The following PC variants were observed in gnomAD, a reference collection of about 807,000 sequenced individuals.
PC encodes the protein pyruvate carboxylase, mitochondrial.
Under a neutral mutation model 107.8 loss-of-function variants are expected in PC, and 46 were observed. The ratio of observed to expected loss-of-function variants is 0.43; its 90% CI spans 0.34 to 0.55. The LOEUF is 0.55. PC is among the 20% of genes least tolerant of loss of function. PC has a pLI of 0.04. For missense variants in PC, 1,241 were observed against 1,643.1 expected (o/e 0.76, Z 4.23); for synonymous variants, 662 against 684.7 (o/e 0.97, Z 0.52).
At chr11:66,906,007 T>C (rs1948152211) in intron 3 of PC, among the ~76,000 whole-genome samples, 1 of 151,912 alleles carries the variant, frequency 6.6e-6, no homozygotes, top group Non-Finnish European at 1.5e-5. Context: ...ATACTGCTAG[T>C]ATGTCACAGC....
chr11:66,940,793 A>AC lies in PC; in HGVS notation c.-1+11636dup, dbSNP rs569897633. On this transcript the variant is annotated intron_variant, in intron 3 of 22. Transcript: ENST00000393960. Reference sequence around the variant, plus strand: ...TATACAAATGGCCAATAAGCACATCACAAGATGCTCAAGGCCAGGCACAGT... The same window carrying AC: ...TATACAAATGGCCAATAAGCACATCACCAAGATGCTCAAGGCCAGGCACAGT... Among the ~76,000 whole-genome samples, 4 of 152,270 alleles carry AC rather than the reference A, an allele frequency of 2.6e-5. No homozygotes were observed. In the East Asian group the frequency reaches 7.7e-4, roughly 29 times the overall value.
In PC at chr11:66,858,368, G is replaced by A. The variant is rs755206334; in HGVS notation, c.1369-4985C>T. 4 of 1,588,592 alleles carry A rather than the reference G, an allele frequency of 2.5e-6. No homozygotes were observed. In the East Asian group the frequency reaches 9.2e-5, roughly 36 times the overall value. ...TCACCTCCAACCGCCTGGCCACGCT[G>A]GCTCCGGACCCGCTTTTCTCTCGTG... On this transcript the variant is annotated intron_variant, in intron 12 of 22. Coordinates refer to ENST00000393960, the MANE Select transcript of PC (RefSeq NM_001040716.2). The surrounding 1 kb of genome is among the most constrained non-coding windows in gnomAD (Gnocchi z 5.9).
At chr11:66,860,220 C>G in intron 12 of PC, 1 of 1,540,726 alleles carries the variant, frequency 6.5e-7, no homozygotes, top group Non-Finnish European at 8.7e-7. Flanking sequence ...CCTGTGTGCT[C>G]CAAGGGATGA....
chr11:66,939,752 C>A (rs1316016003), intron 3 of PC, among the ~76,000 whole-genome samples: 1 of 130,342 alleles, frequency 7.7e-6, no homozygotes, highest in Non-Finnish European at 1.5e-5. Context: ...TGCAGCAAGC[C>A]GAGATCGTGC....
chr11:66,923,277 G>A (rs928801392), intron 3 of PC, among the ~76,000 whole-genome samples: 4 of 151,400 alleles, frequency 2.6e-5, no homozygotes, highest in Non-Finnish European at 1.5e-5. Context: ...CAGGAGAATC[G>A]CTTGAACCTG....
In PC at chr11:66,870,625, G is replaced by A. The variant is rs750188585; in HGVS notation, c.751+150C>T. On this transcript the variant is annotated intron_variant, in intron 8 of 22. Coordinates refer to ENST00000393960, the MANE Select transcript of PC (RefSeq NM_001040716.2). The surrounding 1 kb of genome is among the most constrained non-coding windows in gnomAD (Gnocchi z 6.1). ...GGCTGTGAGGACCAACTGCCAGCTC[G>A]GCCCCTAGAGCCCACTTTCCAGAGT... is the stretch of plus-strand genomic sequence containing the variant. The A allele has an allele frequency of 1.2e-5, 13 of 1,100,244 alleles. No homozygotes were observed. Among genetic ancestry groups the A allele is most frequent in the South Asian group, 3.8e-5 (3 of 78,958 alleles). The allele number at this position is 1,100,244 out of a possible 1,614,324, so 68.2% of individuals were successfully genotyped here.
intron 3 of PC, among the ~76,000 whole-genome samples, chr11:66,891,389 T>TTTTG (rs1290801939): frequency 6.8e-6 from 1 of 147,720 alleles, no homozygotes; most frequent in Admixed American, 6.8e-5. Context: ...TTTTTGTTTG[T>TTTTG]TTTGTTTTGT....
At chr11:66,950,322 A>T (rs1949407268) in intron 3 of PC, among the ~76,000 whole-genome samples, 1 of 152,240 alleles carries the variant, frequency 6.6e-6, no homozygotes, top group Non-Finnish European at 1.5e-5. Context: ...AGAAGCAGTC[A>T]GGCCCTTCCA....
At chr11:66,936,547 C>T (rs991734002) in intron 3 of PC, among the ~76,000 whole-genome samples, 8 of 152,100 alleles carry the variant, frequency 5.3e-5, no homozygotes, top group Admixed American at 6.6e-5. Flanking sequence ...ATTGTAATTC[C>T]ATTCTGCTAT....
At chr11:66,872,734 C>CA (rs1485695134) in intron 3 of PC, among the ~76,000 whole-genome samples, 2 of 151,280 alleles carry the variant, frequency 1.3e-5, no homozygotes, top group Non-Finnish European at 2.9e-5. Context: ...GACTCCGTCT[C>CA]AAAAAAAATA....
In PC at chr11:66,850,879, G is replaced by A. The variant is rs183729868; in HGVS notation, c.2268C>T (p.Val756=). The A allele has an allele frequency of 1.2e-5, 20 of 1,611,118 alleles. No individual in the cohort carries two copies. In the East Asian group the frequency reaches 4.5e-4, roughly 36 times the overall value. The change falls in exon 18 of 23, where the codon GTC becomes GTT. Residue 756 remains valine (V), a synonymous_variant. Coordinates refer to ENST00000393960, the MANE Select transcript of PC (RefSeq NM_001040716.2). ...CGGGGAAGCGGTCCCGGAGGGAGCT[G>A]ACCAGCATGGTGCAGGCCGTGGGCT... is the stretch of plus-strand genomic sequence containing the variant. ...LLKPTACTML[V]SSLRDRFPDL...
chr11:66,875,302 C>A (rs1196510349), intron 3 of PC, among the ~76,000 whole-genome samples: 1 of 151,980 alleles, frequency 6.6e-6, no homozygotes, highest in East Asian at 1.9e-4. Context: ...CGTCGAGAGA[C>A]CCCCCATAGA....
At chr11:66,926,418 T>A (rs1273916631) in intron 3 of PC, among the ~76,000 whole-genome samples, 1 of 152,192 alleles carries the variant, frequency 6.6e-6, no homozygotes, top group Admixed American at 6.5e-5. Flanking sequence ...AAAAAGCTTA[T>A]CAGACTTTGA....
intron 3 of PC, among the ~76,000 whole-genome samples, chr11:66,914,211 G>GA (rs1241753773): frequency 1.3e-5 from 2 of 152,026 alleles, no homozygotes. Flanking sequence ...AAGAAGCCAG[G>GA]AAAAAAGAAA....
intron 11 of PC, 93 bp from the exon 12 acceptor site, chr11:66,864,049 G>A (rs896287367): frequency 1.2e-5 from 15 of 1,253,754 alleles, no homozygotes; most frequent in Admixed American, 1.7e-5. Context: ...GCACCCAGCA[G>A]CTGCTGAGAG....
At chr11:66,873,026 T>A (rs1253244111) in intron 3 of PC, among the ~76,000 whole-genome samples, 2 of 137,896 alleles carry the variant, frequency 1.5e-5, no homozygotes, top group Admixed American at 1.5e-4. Flanking sequence ...ACATCAAGAC[T>A]CTGTCCCAGG....
At position 66,870,573 on chromosome 11, in the gene PC, T is replaced by G. The variant is rs1591186991; in HGVS notation, c.752-120A>C. 1 of 1,253,400 alleles carries G rather than the reference T, an allele frequency of 8.0e-7. No individual in the cohort carries two copies. The highest frequency in any genetic ancestry group is 1.8e-5 in the Admixed American group (1 of 54,946). The allele number at this position is 1,253,400 out of a possible 1,614,324, so 77.6% of individuals were successfully genotyped here. On this transcript the variant is annotated intron_variant, in intron 8 of 22. Transcript: ENST00000393960. The surrounding 1 kb of genome is among the most constrained non-coding windows in gnomAD (Gnocchi z 6.1). The stretch of plus-strand genomic sequence containing the variant: ...TGCCGGCTGCCAGCGGTACAGAGGC[T>G]GCCAGGAGAGACACCAGCATCACCA...
chr11:66,849,492 G>T, intron 21 of PC, 119 bp downstream of exon 21: 1 of 1,602,464 alleles, frequency 6.2e-7, no homozygotes, highest in Non-Finnish European at 8.5e-7. Flanking sequence ...CCTAGCTCCC[G>T]GTCTCAAGGG....
chr11:66,860,715 G>A (rs1946212575), intron 12 of PC: 1 of 700,602 alleles, frequency 1.4e-6, no homozygotes, highest in East Asian at 2.7e-5. Context: ...TCGCCTGTAA[G>A]TGCAAAGAAC....
Sources: gnomAD v4.1 joint callset for allele counts (sites outside exome capture counted in the v4.1 genomes callset) on GRCh38, gnomAD v4.1.1 for gene constraint, Gnocchi (gnomAD v3.1) non-coding constraint, MANE v1.5 for transcripts, NCBI Gene and HGNC (gene_info 2026-07-23, HGNC 2026-07-21) for gene names.